The following ZMIZ1 variants were observed in gnomAD, a reference collection of about 807,000 sequenced individuals.
ZMIZ1 encodes zinc finger MIZ-type containing 1.
A neutral mutation model predicts 113.9 loss-of-function variants in ZMIZ1; 17 were observed. The ratio of observed to expected loss-of-function variants is 0.15; its 90% confidence interval spans 0.10 to 0.22. ZMIZ1 has a LOEUF of 0.22. Among genes scored for constraint, ZMIZ1 ranks in the 10% least tolerant of loss-of-function variants. The pLI is 1.00. For synonymous variants in ZMIZ1, 607 were observed against 603.1 expected (o/e 1.01, Z -0.09); for missense variants, 1,059 against 1,477.8 (o/e 0.72, Z 4.65).
At chr10:79,187,218 A>T (rs1392805206) in intron 4 of ZMIZ1, among the ~76,000 whole-genome samples, 1 of 152,246 alleles carries the variant, frequency 6.6e-6, no homozygotes, top group Admixed American at 6.5e-5. Context: ...CATCAAGGCC[A>T]TGGAGTCCAG....
intron 24 of ZMIZ1, among the ~76,000 whole-genome samples, chr10:79,311,576 C>T (rs1432576575): frequency 6.6e-6 from 1 of 152,114 alleles, no homozygotes; most frequent in Non-Finnish European, 1.5e-5. Flanking sequence ...CGTCTGTCTG[C>T]CTCGCTGGTG....
intron 1 of ZMIZ1, among the ~76,000 whole-genome samples, chr10:79,076,748 A>G (rs866626853): frequency 1.3e-5 from 2 of 152,284 alleles, no homozygotes; most frequent in Middle Eastern, 3.4e-3. Flanking sequence ...GAGGCATGAG[A>G]AACACTTGAA....
chr10:79,165,978 G>C (rs867253734), intron 4 of ZMIZ1, among the ~76,000 whole-genome samples: 61 of 148,696 alleles, frequency 4.1e-4, no homozygotes, highest in African/African-American at 1.4e-3. Context: ...GTGTGTGTGT[G>C]TGTGTGTGTG....
At chr10:79,112,493 G>T (rs1843786199) in intron 1 of ZMIZ1, among the ~76,000 whole-genome samples, 1 of 152,178 alleles carries the variant, frequency 6.6e-6, no homozygotes, top group Admixed American at 6.5e-5. Flanking sequence ...CATGTTCCTG[G>T]CAGGCTCTGT....
At chr10:79,144,373 A>G (rs1845400203) in intron 3 of ZMIZ1, among the ~76,000 whole-genome samples, 1 of 152,182 alleles carries the variant, frequency 6.6e-6, no homozygotes, top group Non-Finnish European at 1.5e-5. Flanking sequence ...TAGACTATCC[A>G]GGCTTATAGA....
At chr10:79,158,836 C>G (rs571010538) in intron 3 of ZMIZ1, among the ~76,000 whole-genome samples, 1 of 152,380 alleles carries the variant, frequency 6.6e-6, no homozygotes, top group South Asian at 2.1e-4. Context: ...AGCCTTGTCA[C>G]TTTCCAGCTG....
chr10:79,184,176 G>A (rs1847250418), intron 4 of ZMIZ1, among the ~76,000 whole-genome samples: 1 of 152,178 alleles, frequency 6.6e-6, no homozygotes, highest in South Asian at 2.1e-4. Flanking sequence ...AAAAGGGGAG[G>A]TTCTGGGGAG....
At chr10:79,273,286 C>T (rs967589864) in intron 7 of ZMIZ1, among the ~76,000 whole-genome samples, 3 of 152,206 alleles carry the variant, frequency 2.0e-5, no homozygotes, top group Admixed American at 6.5e-5. Context: ...CCTCCTGACC[C>T]TAACCCCCTT....
At chr10:79,259,431 C>T (rs1446985857) in intron 7 of ZMIZ1, among the ~76,000 whole-genome samples, 5 of 152,104 alleles carry the variant, frequency 3.3e-5, no homozygotes, top group Admixed American at 2.6e-4. Context: ...CATCGTGCAC[C>T]GTGTGGCTTC....
At chr10:79,143,641 A>G (rs1408078435) in intron 3 of ZMIZ1, among the ~76,000 whole-genome samples, 1 of 152,144 alleles carries the variant, frequency 6.6e-6, no homozygotes, top group Non-Finnish European at 1.5e-5. Context: ...GGGGACAGGT[A>G]AAGAACCCAC....
intron 2 of ZMIZ1, among the ~76,000 whole-genome samples, chr10:79,133,472 A>G (rs1236630433): frequency 6.6e-6 from 1 of 152,212 alleles, no homozygotes; most frequent in Non-Finnish European, 1.5e-5. Flanking sequence ...GTGAAAGTAT[A>G]GGGCCAGCAA....
At chr10:79,162,877 G>A (rs1333377093) in intron 4 of ZMIZ1, among the ~76,000 whole-genome samples, 1 of 152,196 alleles carries the variant, frequency 6.6e-6, no homozygotes, top group African/African-American at 2.4e-5. Context: ...GGGGGGCAGG[G>A]CACCTTGAGG....
At chr10:79,246,439 G>T (rs1283095816) in intron 7 of ZMIZ1, among the ~76,000 whole-genome samples, 1 of 145,986 alleles carries the variant, frequency 6.8e-6, no homozygotes, top group Admixed American at 6.6e-5. Flanking sequence ...CAAGGGAGGT[G>T]TTTACCTTGA....
chr10:79,073,572 C>G (rs1842368411), intron 1 of ZMIZ1, among the ~76,000 whole-genome samples: 1 of 152,174 alleles, frequency 6.6e-6, no homozygotes, highest in Non-Finnish European at 1.5e-5. Flanking sequence ...GCTGGGGGGC[C>G]CTCCAGACCA....
chr10:79,173,501 TGGGGCGGGGAGCAG>T lies in ZMIZ1; in HGVS notation c.-50+11378_-50+11391del, dbSNP rs1440736694. Among the ~76,000 whole-genome samples the T allele has an allele frequency of 4.6e-5, 7 of 151,918 alleles. No homozygotes were observed. The South Asian group carries it at 1.5e-3, about 32-fold the overall frequency. On this transcript the variant is annotated intron_variant, in intron 4 of 24. Transcript: ENST00000334512. ...TTAGGCCACAGAGGACAGTGGACAGTGGGGCGGGGAGCAGGGGGCGGGGTGGCTTCTCCAGGAGT... is the reference window on the plus strand; with the variant it reads ...TTAGGCCACAGAGGACAGTGGACAGTGGGGCGGGGTGGCTTCTCCAGGAGT...
chr10:79,070,514 G>A (rs1370713872), intron 1 of ZMIZ1, among the ~76,000 whole-genome samples: 1 of 152,146 alleles, frequency 6.6e-6, no homozygotes, highest in Non-Finnish European at 1.5e-5. Context: ...CGGGCGGACG[G>A]GAGCGCGCCA....
intron 23 of ZMIZ1, among the ~76,000 whole-genome samples, chr10:79,310,638 C>T (rs961873347): frequency 6.6e-6 from 1 of 152,050 alleles, no homozygotes; most frequent in Admixed American, 6.5e-5. Flanking sequence ...GGAGCCCAGG[C>T]CCAGCTCCCC....
intron 2 of ZMIZ1, among the ~76,000 whole-genome samples, chr10:79,127,048 G>T (rs537382996): frequency 4.6e-5 from 7 of 152,322 alleles, no homozygotes; most frequent in African/African-American, 1.2e-4. Flanking sequence ...TGAGAGATGC[G>T]CCTCCCTTCT....
At chr10:79,235,113 T>G (rs1428586636) in intron 7 of ZMIZ1, among the ~76,000 whole-genome samples, 2 of 152,344 alleles carry the variant, frequency 1.3e-5, no homozygotes. Flanking sequence ...ACCTTTGGAT[T>G]TCTCCCAGAC....
Sources: allele counts gnomAD v4.1 joint callset (sites outside exome capture counted in the v4.1 genomes callset), GRCh38; gene constraint gnomAD v4.1.1; transcripts MANE v1.5; gene names NCBI Gene and HGNC (gene_info 2026-07-23, HGNC 2026-07-21).